SLC6A6: variants seen among roughly 807,000 people sequenced by gnomAD.
The protein encoded by SLC6A6 is solute carrier family 6 member 6.
In SLC6A6, 16 loss-of-function variants were observed where a neutral mutation model predicts 68.8. The observed-to-expected ratio is 0.23, with a 90% CI of 0.16 to 0.35. The LOEUF (loss-of-function observed/expected upper bound fraction) is 0.35. SLC6A6 is among the 10% of genes least tolerant of loss of function. The pLI is 1.00. For synonymous variants in SLC6A6, 312 were observed against 315.4 expected, an observed-to-expected ratio of 0.99 and a Z score of 0.12; for missense variants, 474 against 802.8, an observed-to-expected ratio of 0.59 and a Z score of 4.95.
chr3:14,451,736 C>T (rs116344061), intron 5 of SLC6A6, among the ~76,000 whole-genome samples: 1,777 of 152,282 alleles, frequency 0.012, 36 homozygotes, highest in African/African-American at 0.041. Context: ...GTCTGGGTTC[C>T]CTTTGGGTGA....
chr3:14,422,025 G>A (rs935832743), intron 2 of SLC6A6, among the ~76,000 whole-genome samples: 1 of 152,140 alleles, frequency 6.6e-6, no homozygotes, highest in African/African-American at 2.4e-5. Flanking sequence ...AAATGGACAG[G>A]GACTTTCGGG....
At chr3:14,408,819 G>GT (rs1344941244) in intron 1 of SLC6A6, among the ~76,000 whole-genome samples, 3 of 149,196 alleles carry the variant, frequency 2.0e-5, no homozygotes, top group Non-Finnish European at 4.5e-5. Flanking sequence ...TTGTTTGTTT[G>GT]TTTTTGGGAC....
chr3:14,467,543 C>T (rs1021772591), intron 7 of SLC6A6, among the ~76,000 whole-genome samples: 4 of 152,208 alleles, frequency 2.6e-5, no homozygotes, highest in Non-Finnish European at 5.9e-5. Context: ...TGAAAACTAT[C>T]TATAAACTGC....
At chr3:14,417,502 T>C (rs185525666) in intron 2 of SLC6A6, among the ~76,000 whole-genome samples, 2,128 of 152,104 alleles carry the variant, frequency 0.014, 58 homozygotes, top group African/African-American at 0.047. Context: ...GAGGCCAAGG[T>C]GGGCAGATCA....
chr3:14,419,139 C>T (rs1267450481), intron 2 of SLC6A6, among the ~76,000 whole-genome samples: 2 of 152,184 alleles, frequency 1.3e-5, no homozygotes, highest in Non-Finnish European at 2.9e-5. Context: ...GATGTATTTG[C>T]GCTTGGGAGC....
intron 2 of SLC6A6, among the ~76,000 whole-genome samples, chr3:14,437,382 C>T (rs543787811): frequency 2.0e-5 from 3 of 151,906 alleles, no homozygotes; most frequent in Non-Finnish European, 4.4e-5. Context: ...CTCAGCCTCC[C>T]GAGTAGCTGG....
intron 2 of SLC6A6, among the ~76,000 whole-genome samples, chr3:14,418,547 G>A (rs769434615): frequency 1.1e-4 from 17 of 152,184 alleles, no homozygotes; most frequent in Non-Finnish European, 1.6e-4. Context: ...CTCCACAGGC[G>A]TCATCATAAT....
Position 14,481,724 on chromosome 3 carries a change from A to G in SLC6A6, c.1605A>G (p.Thr535=), listed in dbSNP as rs747251026. The change falls in exon 14 of 15, where the codon ACA becomes ACG. Residue 535 remains threonine, a synonymous_variant. Coordinates refer to ENST00000622186, the MANE Select transcript of SLC6A6 (RefSeq NM_003043.6). This position sits in a 1 kb window ranked among gnomAD's most constrained non-coding sequence, Gnocchi z 4.7. ...VKYVPLTYNK[T]YVYPNWAIGL... is the part of the protein sequence containing the mutation. ...ACGTACCCCTGACCTACAACAAAACATACGTGTACCCCAACTGGGCCATTG... is the reference window on the plus strand; with the variant it reads ...ACGTACCCCTGACCTACAACAAAACGTACGTGTACCCCAACTGGGCCATTG... 4 of 1,613,586 alleles carry G rather than the reference A, an allele frequency of 2.5e-6. No homozygotes were observed. The highest frequency in any genetic ancestry group is 3.4e-6 in the Non-Finnish European group (4 of 1,179,772).
rs1345359641 is a variant in SLC6A6 at position 14,481,625 on chromosome 3, C to G, written c.1552-46C>G. The stretch of plus-strand genomic sequence containing the variant: ...TCCTAGTCCCAGAAGCCCCCCACCC[C>G]CCGATGCCCAGGACCCCTCTCCTGA... On this transcript the variant is annotated intron_variant, in intron 13 of 14. Coordinates refer to ENST00000622186, the MANE Select transcript of SLC6A6 (RefSeq NM_003043.6). The surrounding 1 kb of genome is among the most constrained non-coding windows in gnomAD (Gnocchi z 4.7). 1.5e-6 allele frequency: 2 copies of G among 1,365,114 alleles called. No individual in the cohort carries two copies. Among genetic ancestry groups the G allele is most frequent in the Non-Finnish European group, 2.1e-6 (2 of 972,260 alleles). The allele number at this position is 1,365,114 out of a possible 1,614,324, so 84.6% of individuals were successfully genotyped here. A position where few individuals can be genotyped will look rare whatever the true frequency, so the allele number is the denominator to read the frequency against.
chr3:14,465,276 G>T (rs1700590299), intron 6 of SLC6A6, among the ~76,000 whole-genome samples: 1 of 152,228 alleles, frequency 6.6e-6, no homozygotes, highest in Non-Finnish European at 1.5e-5. Context: ...AGGTCTTTGG[G>T]AGGAGATGGC....
chr3:14,432,104 G>A lies in SLC6A6; in HGVS notation c.-11-11520G>A, dbSNP rs530418276. Among the ~76,000 whole-genome samples the A allele has an allele frequency of 2.1e-4, 32 of 152,324 alleles. 1 individual carries two copies. In the South Asian group the frequency reaches 6.4e-3, roughly 31 times the overall value. ...TGCACGTGCACCCTTAGCTGACTCT[G>A]TCACTGGGGCCTGTATCCTTCCAGT... On this transcript the variant is annotated intron_variant, in intron 2 of 14. Coordinates refer to ENST00000622186, the MANE Select transcript of SLC6A6 (RefSeq NM_003043.6).
At chr3:14,448,969 G>C (rs962060759) in intron 5 of SLC6A6, among the ~76,000 whole-genome samples, 1 of 152,232 alleles carries the variant, frequency 6.6e-6, no homozygotes, top group Non-Finnish European at 1.5e-5. Flanking sequence ...GGGCAGGGGT[G>C]CTGTTAAGGA....
chr3:14,412,713 C>T (rs535837633), intron 1 of SLC6A6, among the ~76,000 whole-genome samples: 40 of 152,292 alleles, frequency 2.6e-4, no homozygotes, highest in Middle Eastern at 3.4e-3. Flanking sequence ...GCACTGTGGA[C>T]GGTGCTGGTC....
chr3:14,406,431 G>A (rs1031540981), intron 1 of SLC6A6, among the ~76,000 whole-genome samples: 1 of 152,210 alleles, frequency 6.6e-6, no homozygotes, highest in Non-Finnish European at 1.5e-5. Flanking sequence ...GAACCCTGAT[G>A]GTGAGTAAGG....
intron 2 of SLC6A6, among the ~76,000 whole-genome samples, chr3:14,434,660 C>G (rs544786890): frequency 6.6e-5 from 10 of 152,328 alleles, no homozygotes; most frequent in South Asian, 6.2e-4. Context: ...GCTGCTTGGG[C>G]TCTGCTGTGG....
rs367773314 is a variant in SLC6A6, at chr3:14,427,850, G to A, written c.-12+11397G>A. Among the ~76,000 whole-genome samples the A allele has an allele frequency of 7.9e-5, 12 of 152,214 alleles. No individual in the cohort carries two copies. In the East Asian group the frequency reaches 1.5e-3, roughly 20 times the overall value. On this transcript the variant is annotated intron_variant, in intron 2 of 14. Transcript: ENST00000622186. ...CACAGCAAAGTCCTTTTCTACTCTC[G>A]AGTCCAGTTCCCAGCCCCTGTAACT... is the stretch of plus-strand genomic sequence containing the variant.
chr3:14,408,704 GTTAC>G (rs1699165158), intron 1 of SLC6A6, among the ~76,000 whole-genome samples: 2 of 152,170 alleles, frequency 1.3e-5, no homozygotes, highest in South Asian at 4.1e-4. Context: ...ACTCCTTTTT[GTTAC>G]TTACTGGATC....
At chr3:14,438,643 A>G (rs1288373462) in intron 2 of SLC6A6, among the ~76,000 whole-genome samples, 1 of 152,192 alleles carries the variant, frequency 6.6e-6, no homozygotes, top group Non-Finnish European at 1.5e-5. Flanking sequence ...AGTTTGCTTA[A>G]CCAAGAGGTT....
chr3:14,465,871 C>G (rs1011955031), intron 6 of SLC6A6, among the ~76,000 whole-genome samples: 1 of 152,236 alleles, frequency 6.6e-6, no homozygotes, highest in African/African-American at 2.4e-5. Flanking sequence ...TCCACGAAGG[C>G]AGGGATTTGT....
Sources: gnomAD v4.1 joint callset for allele counts (sites outside exome capture counted in the v4.1 genomes callset) on GRCh38, gnomAD v4.1.1 for gene constraint, Gnocchi (gnomAD v3.1) non-coding constraint, MANE v1.5 for transcripts, NCBI Gene and HGNC (gene_info 2026-07-23, HGNC 2026-07-21) for gene names.